GNPNAT1: variants seen among roughly 807,000 people sequenced by gnomAD.
GNPNAT1 encodes glucosamine 6-phosphate N-acetyltransferase.
GNPNAT1 carries 11 observed loss-of-function variants against 19.8 expected under a neutral mutation model. That is an observed-to-expected ratio of 0.56 (90% CI 0.35 to 0.92). GNPNAT1 has a LOEUF of 0.92. Ranked by LOEUF, GNPNAT1 falls within the 40% of genes least tolerant of loss-of-function variation. GNPNAT1 has a pLI of 0.01. For synonymous variants in GNPNAT1, 71 were observed against 72.3 expected (o/e 0.98, Z 0.09); for missense variants, 157 against 211.0 (o/e 0.74, Z 1.59).
chr14:52,787,519 TA>T (rs1319832170), intron 1 of GNPNAT1, among the ~76,000 whole-genome samples: 1 of 152,134 alleles, frequency 6.6e-6, no homozygotes, highest in Admixed American at 6.5e-5. Context: ...GAGAAAATGT[TA>T]AGTAACTTGC....
chr14:52,786,654 G>C (rs1013292618), intron 1 of GNPNAT1, among the ~76,000 whole-genome samples: 3 of 151,968 alleles, frequency 2.0e-5, no homozygotes, highest in African/African-American at 7.2e-5. Context: ...GTTCTCACTA[G>C]TTGTAATGTT....
chr14:52,786,167 G>A (rs1489375932), intron 1 of GNPNAT1, among the ~76,000 whole-genome samples: 1 of 149,602 alleles, frequency 6.7e-6, no homozygotes, highest in Non-Finnish European at 1.5e-5. Flanking sequence ...GGCTATGCTA[G>A]ATATACACTG....
chr14:52,784,335 A>G (rs1353067816), intron 2 of GNPNAT1, among the ~76,000 whole-genome samples, 162 bp downstream of exon 2: 2 of 152,210 alleles, frequency 1.3e-5, no homozygotes, highest in Non-Finnish European at 2.9e-5. Flanking sequence ...GGTCTTAGCC[A>G]TGACACACAC....
At chr14:52,786,305 G>C (rs1015870316) in intron 1 of GNPNAT1, among the ~76,000 whole-genome samples, 1 of 151,736 alleles carries the variant, frequency 6.6e-6, no homozygotes, top group Non-Finnish European at 1.5e-5. Flanking sequence ...AGGAGGTCAA[G>C]ACCGGCCTGA....
intron 1 of GNPNAT1, among the ~76,000 whole-genome samples, chr14:52,790,185 G>C (rs1187151499): frequency 6.6e-6 from 1 of 152,122 alleles, no homozygotes; most frequent in Non-Finnish European, 1.5e-5. Context: ...GCTGCTGCTA[G>C]AAGCAACCAA....
intron 4 of GNPNAT1, 84 bp from the exon 5 acceptor site, chr14:52,780,824 AAGT>A: frequency 2.5e-6 from 2 of 803,558 alleles, no homozygotes; most frequent in Non-Finnish European, 4.3e-6. Flanking sequence ...TACTGATAAT[AAGT>A]AGTATATTTT....
At chr14:52,782,816 A>T (rs536762457) in intron 3 of GNPNAT1, among the ~76,000 whole-genome samples, 18 of 152,226 alleles carry the variant, frequency 1.2e-4, no homozygotes, top group Non-Finnish European at 1.9e-4. Flanking sequence ...GCTATTAAAT[A>T]TTACTAAATA....
chr14:52,781,859 T>C lies in GNPNAT1; in HGVS notation c.270A>G (p.Glu90=), dbSNP rs1156907810. 1.9e-6 allele frequency: 3 copies of C among 1,607,908 alleles called. No individual in the cohort carries two copies. Among genetic ancestry groups the C allele is most frequent in the Non-Finnish European group, 2.5e-6 (3 of 1,177,474 alleles). The change falls in exon 4 of 6, where the codon GAA becomes GAG. Residue 90 remains glutamate, a synonymous_variant. Transcript: ENST00000216410. Reference sequence around the variant, plus strand: ...CAACAATCTGTCCTAGAGTCACATCTTCTACAACTGTAACATAATAATCCC... The same window carrying C: ...CAACAATCTGTCCTAGAGTCACATCCTCTACAACTGTAACATAATAATCCC... The part of the protein sequence containing the change: ...KSGDYYVTVV[E]DVTLGQIVAT...
intron 5 of GNPNAT1, among the ~76,000 whole-genome samples, chr14:52,780,439 T>C (rs1882866990): frequency 1.3e-5 from 2 of 152,156 alleles, no homozygotes; most frequent in Admixed American, 1.3e-4. Context: ...AGAGCATTAC[T>C]ATAAAAAGTT....
chr14:52,788,273 A>G (rs942388435), intron 1 of GNPNAT1, among the ~76,000 whole-genome samples: 5 of 151,544 alleles, frequency 3.3e-5, no homozygotes, highest in African/African-American at 1.2e-4. Context: ...AGTTGTGACT[A>G]CAGGCTCATA....
Position 52,778,085 on chromosome 14 carries a change from T to G in GNPNAT1, c.*226A>C, listed in dbSNP as rs1156742274. On this transcript the variant is annotated 3_prime_UTR_variant, in exon 6 of 6. Transcript: ENST00000216410. ...AGATTCAAGTTAAAAATATATTCCT[T>G]TGGTTAAAAATCATCCCCTTTATAA... 1 of 300,140 alleles carries G rather than the reference T, an allele frequency of 3.3e-6. No homozygotes were observed. Among genetic ancestry groups the G allele is most frequent in the Non-Finnish European group, 6.1e-6 (1 of 164,894 alleles). The allele number at this position is 300,140 out of a possible 1,614,324, so 18.6% of individuals were successfully genotyped here. A position where few individuals can be genotyped will look rare whatever the true frequency, so the allele number is the denominator to read the frequency against.
Position 52,776,919 on chromosome 14 carries a change from T to G in GNPNAT1, c.*1392A>C, listed in dbSNP as rs1882743961. 2 of 152,244 alleles carry G rather than the reference T, an allele frequency of 1.3e-5. No individual in the cohort carries two copies. The highest frequency in any genetic ancestry group is 4.1e-4 in the South Asian group (2 of 4,826). 9.4% of individuals were successfully genotyped at this position (152,244 alleles called of 1,614,324 possible). A position where few individuals can be genotyped will look rare whatever the true frequency, so the allele number is the denominator to read the frequency against. On this transcript the variant is annotated 3_prime_UTR_variant, in exon 6 of 6. Coordinates refer to ENST00000216410, the MANE Select transcript of GNPNAT1 (RefSeq NM_198066.4). ...CAGGATTTACCTGATAAAACTACTCTTTGTCAAGGTTGTAGGACTTCTGAA... is the reference window on the plus strand; with the variant it reads ...CAGGATTTACCTGATAAAACTACTCGTTGTCAAGGTTGTAGGACTTCTGAA...
rs1470676550 is a variant in GNPNAT1 at position 52,776,271 on chromosome 14, G to GT, written c.*2039dup. ...TTTAAAAAAAAAAAGTTTAAGAAGTGTTTTATGTAGCACTTTTTTCATATT... is the reference window on the plus strand; with the variant it reads ...TTTAAAAAAAAAAAGTTTAAGAAGTGTTTTTATGTAGCACTTTTTTCATATT... On this transcript the variant is annotated 3_prime_UTR_variant, in exon 6 of 6. Coordinates refer to ENST00000216410, the MANE Select transcript of GNPNAT1 (RefSeq NM_198066.4). The GT allele has an allele frequency of 6.6e-6, 1 of 152,072 alleles. No individual in the cohort carries two copies. The highest frequency in any genetic ancestry group is 1.5e-5 in the Non-Finnish European group (1 of 68,006). 9.4% of individuals were successfully genotyped at this position (152,072 alleles called of 1,614,324 possible). A position where few individuals can be genotyped will look rare whatever the true frequency, so the allele number is the denominator to read the frequency against.
rs1882747246 is a variant in GNPNAT1, at chr14:52,776,997, A to G, written c.*1314T>C. On this transcript the variant is annotated 3_prime_UTR_variant, in exon 6 of 6. Coordinates refer to ENST00000216410, the MANE Select transcript of GNPNAT1 (RefSeq NM_198066.4). Reference sequence around the variant, plus strand: ...ACGAAGGACAGATCAGTTCGTCTGTATAGGCTATAAGCAGGTAAGTAGTGC... The same window carrying G: ...ACGAAGGACAGATCAGTTCGTCTGTGTAGGCTATAAGCAGGTAAGTAGTGC... 1 of 152,254 alleles carries G rather than the reference A, an allele frequency of 6.6e-6. No individual in the cohort carries two copies. Among genetic ancestry groups the G allele is most frequent in the African/African-American group, 2.4e-5 (1 of 41,470 alleles). The allele number at this position is 152,254 out of a possible 1,614,324, so 9.4% of individuals were successfully genotyped here.
At chr14:52,781,650 C>G (rs1300163200) in intron 4 of GNPNAT1, 134 bp downstream of exon 4, 23 of 768,302 alleles carry the variant, frequency 3.0e-5, no homozygotes, top group Non-Finnish European at 4.1e-6. Context: ...TTTCTTAAAG[C>G]TCTCAGAACA....
chr14:52,776,047 C>T lies in GNPNAT1; in HGVS notation c.*2264G>A, dbSNP rs1882705923. ...ATTAGCTGGGTGTGGTGGCATGCAC[C>T]TATAGTCCCAGCCACATGGGAGGCT... On this transcript the variant is annotated 3_prime_UTR_variant, in exon 6 of 6. Coordinates refer to ENST00000216410, the MANE Select transcript of GNPNAT1 (RefSeq NM_198066.4). 6.6e-6 allele frequency: 1 copy of T among 152,204 alleles called. No individual in the cohort carries two copies. The highest frequency in any genetic ancestry group is 1.5e-5 in the Non-Finnish European group (1 of 68,200). The allele number at this position is 152,204 out of a possible 1,614,324, so 9.4% of individuals were successfully genotyped here.
Position 52,783,437 on chromosome 14 carries a change from G to T in GNPNAT1, c.203C>A (p.Pro68His), listed in dbSNP as rs1347784708. Residue 68 changes from proline (P) to histidine (H), a missense_variant, in exon 3 of 6, where the codon CCT becomes CAT. By Grantham distance (77) the Pro-to-His change is moderately conservative. Coordinates refer to ENST00000216410, the MANE Select transcript of GNPNAT1 (RefSeq NM_198066.4). Reference protein sequence around the residue: ...GQLTETGVVSPEQFMKSFEHM... With the variant: ...GQLTETGVVSHEQFMKSFEHM... ...ATAGTACTTACTCATAAATTGTTCA[G>T]GGCTGACAACTCCAGTCTCTGTTAG... 6.2e-7 allele frequency: 1 copy of T among 1,608,572 alleles called. No individual in the cohort carries two copies. Among genetic ancestry groups the T allele is most frequent in the Non-Finnish European group, 8.5e-7 (1 of 1,175,526 alleles).
At chr14:52,780,861 C>A in intron 4 of GNPNAT1, 121 bp from the exon 5 acceptor site, 7 of 604,750 alleles carry the variant, frequency 1.2e-5, no homozygotes, top group Admixed American at 5.5e-5. Flanking sequence ...TAACAGAAAT[C>A]AAATGCAAAA....
rs1882795530 is a variant in GNPNAT1, at chr14:52,778,475, G to A, written c.408-17C>T. On this transcript the variant is annotated splice_polypyrimidine_tract_variant and intron_variant, in intron 5 of 5. Transcript: ENST00000216410. ...GATAATAACCTGAAATTTAAAAAGG[G>A]GGTAGGGTGAGGAGATAGCATTTAT... is the stretch of plus-strand genomic sequence containing the variant. 6.3e-7 allele frequency: 1 copy of A among 1,595,414 alleles called. No individual in the cohort carries two copies. Among genetic ancestry groups the A allele is most frequent in the Admixed American group, 1.8e-5 (1 of 55,454 alleles).
Sources: allele counts gnomAD v4.1 joint callset (sites outside exome capture counted in the v4.1 genomes callset), GRCh38; gene constraint gnomAD v4.1.1; transcripts MANE v1.5; gene names NCBI Gene and HGNC (gene_info 2026-07-23, HGNC 2026-07-21).